SLC38A9: variants seen among roughly 807,000 people sequenced by gnomAD.
SLC38A9 encodes solute carrier family 38 member 9.
A neutral mutation model predicts 62.3 loss-of-function variants in SLC38A9; 48 were observed. That is an observed-to-expected ratio of 0.77 (90% CI 0.61 to 0.98). The LOEUF (loss-of-function observed/expected upper bound fraction) is 0.98. Ranked by LOEUF, SLC38A9 falls within the 50% of genes least tolerant of loss-of-function variation. The probability of loss-of-function intolerance (pLI) is 0.00; values close to 1 mark genes in which losing one functional copy is unlikely to be tolerated. For synonymous variants in SLC38A9, 204 were observed against 227.7 expected (o/e 0.90, Z 0.94); for missense variants, 541 against 679.8 (o/e 0.80, Z 2.27).
At chr5:55,639,775 AAG>A (rs1745103763) in intron 12 of SLC38A9, among the ~76,000 whole-genome samples, 1 of 152,086 alleles carries the variant, frequency 6.6e-6, no homozygotes, top group African/African-American at 2.4e-5. Flanking sequence ...TATAATCAAA[AAG>A]AGAGTATATA....
Position 55,669,485 on chromosome 5 carries a change from C to A in SLC38A9, c.432+72G>T. On this transcript the variant is annotated intron_variant, in intron 6 of 15. Coordinates refer to ENST00000396865, the MANE Select transcript of SLC38A9 (RefSeq NM_173514.4). ...TGAATTTTATGTAGATTTATTAAAA[C>A]CTCTGTTATAAAACTTACAATATAA... The A allele has an allele frequency of 3.5e-6, 5 of 1,413,284 alleles. No individual in the cohort carries two copies. In the South Asian group the frequency reaches 5.1e-5, roughly 14 times the overall value. The allele number at this position is 1,413,284 out of a possible 1,614,324, so 87.5% of individuals were successfully genotyped here.
At chr5:55,636,396 C>T (rs1219176597) in intron 12 of SLC38A9, among the ~76,000 whole-genome samples, 1 of 152,202 alleles carries the variant, frequency 6.6e-6, no homozygotes, top group East Asian at 1.9e-4. Flanking sequence ...ATGTAGCCAG[C>T]TGTCAGATCC....
chr5:55,687,076 T>C (rs1046108624), intron 3 of SLC38A9, among the ~76,000 whole-genome samples: 1,918 of 141,362 alleles, frequency 0.014, 33 homozygotes, highest in African/African-American at 0.042. Context: ...TTTTTTTTTT[T>C]TTTTTTTTTT....
intron 9 of SLC38A9, 52 bp from the exon 10 acceptor site, chr5:55,652,775 C>A (rs768926903): frequency 9.0e-7 from 1 of 1,107,348 alleles, no homozygotes; most frequent in Non-Finnish European, 1.3e-6. Context: ...CAAAACAAAA[C>A]AAAACAAAAA....
chr5:55,686,289 T>G (rs1014791596), intron 3 of SLC38A9, among the ~76,000 whole-genome samples: 1 of 152,184 alleles, frequency 6.6e-6, no homozygotes, highest in Non-Finnish European at 1.5e-5. Flanking sequence ...CCAGCATCTG[T>G]TACTTTTTAA....
intron 3 of SLC38A9, chr5:55,691,395 C>T (rs1214354114): frequency 7.6e-7 from 1 of 1,311,858 alleles, no homozygotes; most frequent in Admixed American, 3.3e-5. Context: ...AATTCCTGCC[C>T]TGGGTAATAC....
At chr5:55,654,347 G>A (rs1748036734) in intron 9 of SLC38A9, among the ~76,000 whole-genome samples, 1 of 152,162 alleles carries the variant, frequency 6.6e-6, no homozygotes, top group Non-Finnish European at 1.5e-5. Flanking sequence ...GCTGGGCGCA[G>A]TGGCTCATTC....
intron 7 of SLC38A9, among the ~76,000 whole-genome samples, chr5:55,667,327 A>G (rs535576065): frequency 6.6e-6 from 1 of 152,256 alleles, no homozygotes; most frequent in East Asian, 1.9e-4. Flanking sequence ...TTAGCATTTC[A>G]TAATTTTAGA....
At chr5:55,671,500 T>TAC (rs1561382426) in intron 4 of SLC38A9, among the ~76,000 whole-genome samples, 1 of 93,462 alleles carries the variant, frequency 1.1e-5, no homozygotes, top group African/African-American at 3.3e-5. Flanking sequence ...CAGTTTCCCA[T>TAC]TCTTCTTTTT....
At chr5:55,663,426 T>C (rs1423400654) in intron 8 of SLC38A9, among the ~76,000 whole-genome samples, 1 of 152,060 alleles carries the variant, frequency 6.6e-6, no homozygotes, top group Non-Finnish European at 1.5e-5. Context: ...AAATATTTCA[T>C]AGTTTTTTAA....
intron 11 of SLC38A9, among the ~76,000 whole-genome samples, chr5:55,646,267 A>G (rs1286493708): frequency 6.6e-6 from 1 of 152,162 alleles, no homozygotes; most frequent in Non-Finnish European, 1.5e-5. Context: ...GCTACTTGGG[A>G]GGCTGAGGCA....
chr5:55,712,231 C>G lies in SLC38A9; in HGVS notation c.-97G>C, dbSNP rs1020174769. The G allele has an allele frequency of 2.0e-5, 3 of 152,498 alleles. No individual in the cohort carries two copies. The highest frequency in any genetic ancestry group is 2.9e-5 in the Non-Finnish European group (2 of 68,050). The allele number at this position is 152,498 out of a possible 1,614,324, so 9.4% of individuals were successfully genotyped here. A position where few individuals can be genotyped will look rare whatever the true frequency, so the allele number is the denominator to read the frequency against. On this transcript the variant is annotated 5_prime_UTR_variant, in exon 1 of 16. Transcript: ENST00000396865. The stretch of plus-strand genomic sequence containing the variant: ...ACGTGATCTACCTGAGCAGGCCGAG[C>G]CTTCAACCTCGGAGAACTAGACGAG...
At chr5:55,700,616 T>C (rs902458872) in intron 2 of SLC38A9, among the ~76,000 whole-genome samples, 1 of 151,954 alleles carries the variant, frequency 6.6e-6, no homozygotes, top group East Asian at 1.9e-4. Flanking sequence ...TGGGAAAAAA[T>C]AGAAAGCACA....
At chr5:55,663,110 G>A (rs1749883315) in intron 8 of SLC38A9, among the ~76,000 whole-genome samples, 1 of 151,640 alleles carries the variant, frequency 6.6e-6, no homozygotes, top group Admixed American at 6.6e-5. Flanking sequence ...GGCCGGGCTG[G>A]TCTTGAACTC....
intron 3 of SLC38A9, among the ~76,000 whole-genome samples, chr5:55,673,618 TTCCACTAAC>T (rs1219384523): frequency 2.4e-4 from 21 of 86,402 alleles, no homozygotes. Context: ...TTATCATTGG[TTCCACTAAC>T]TCCTCTATAC....
In SLC38A9 at chr5:55,652,604, A is replaced by C; in HGVS notation, c.877T>G (p.Phe293Val). Residue 293 changes from phenylalanine to valine, a missense_variant, in exon 10 of 16, where the codon TTT becomes GTT. Phe to Val is a conservative substitution (Grantham distance 50). Transcript: ENST00000396865. ...KWWDKSRTVP[F>V]YLVGLLLPLL... The stretch of plus-strand genomic sequence containing the variant: ...GGGAGGAGGAGCCCTACAAGATAAA[A>C]GGGGACTGTCCTGGACTTATCCCAC... The C allele has an allele frequency of 3.7e-6, 6 of 1,612,822 alleles. No homozygotes were observed. The highest frequency in any genetic ancestry group is 5.1e-6 in the Non-Finnish European group (6 of 1,179,214).
chr5:55,678,755 G>C (rs1019790373), intron 3 of SLC38A9, among the ~76,000 whole-genome samples: 2 of 143,314 alleles, frequency 1.4e-5, no homozygotes, highest in African/African-American at 5.1e-5. Context: ...TGAACTCCTG[G>C]GCTCAAGTAA....
intron 2 of SLC38A9, among the ~76,000 whole-genome samples, chr5:55,700,862 G>A (rs746221303): frequency 3.3e-5 from 5 of 152,084 alleles, no homozygotes; most frequent in Non-Finnish European, 5.9e-5. Flanking sequence ...TACGTCACTG[G>A]TCCCTCCTCC....
intron 7 of SLC38A9, among the ~76,000 whole-genome samples, chr5:55,666,651 G>A (rs535528028): frequency 9.9e-5 from 15 of 152,282 alleles, no homozygotes; most frequent in East Asian, 5.8e-4. Flanking sequence ...CCAGCACTTC[G>A]GGAGGCTGAG....
Sources: gnomAD v4.1 joint callset for allele counts (sites outside exome capture counted in the v4.1 genomes callset) on GRCh38, gnomAD v4.1.1 for gene constraint, MANE v1.5 for transcripts, NCBI Gene and HGNC (gene_info 2026-07-23, HGNC 2026-07-21) for gene names.